RRP12: variants seen among roughly 807,000 people sequenced by gnomAD.
RRP12 encodes the protein ribosomal RNA processing 12 homolog.
RRP12 carries 78 observed loss-of-function variants against 157.3 expected under a neutral mutation model. The observed-to-expected ratio is 0.50, with a 90% CI of 0.41 to 0.60. The LOEUF is 0.60. Among genes scored for constraint, RRP12 ranks in the 20% least tolerant of loss-of-function variants. The probability of loss-of-function intolerance (pLI) is 0.00; values close to 1 mark genes in which losing one functional copy is unlikely to be tolerated. For missense variants in RRP12, 1,521 were observed against 1,679.9 expected (o/e 0.91, Z 1.65); for synonymous variants, 726 against 670.9 (o/e 1.08, Z -1.27).
At chr10:97,381,150 C>T (rs1844455899) in intron 12 of RRP12, among the ~76,000 whole-genome samples, 1 of 152,182 alleles carries the variant, frequency 6.6e-6, no homozygotes, top group African/African-American at 2.4e-5. Context: ...TTATCTGACC[C>T]AACTTCAGAT....
At position 97,372,068 on chromosome 10, in the gene RRP12, C is replaced by A; in HGVS notation, c.2343+5G>T. The A allele has an allele frequency of 1.9e-6, 3 of 1,608,098 alleles. No individual in the cohort carries two copies. Among genetic ancestry groups the A allele is most frequent in the Non-Finnish European group, 1.7e-6 (2 of 1,175,988 alleles). On this transcript the variant is annotated splice_donor_5th_base_variant and intron_variant, in intron 20 of 33. Coordinates refer to ENST00000370992, the MANE Select transcript of RRP12 (RefSeq NM_015179.4). Reference sequence around the variant, plus strand: ...TGTGTGGCGCTCCTGGCCCCCGAGGCTCACCTCTAGGTAGGGCCGGATGGT... The same window carrying A: ...TGTGTGGCGCTCCTGGCCCCCGAGGATCACCTCTAGGTAGGGCCGGATGGT...
At chr10:97,362,289 C>T (rs1401131408) in intron 30 of RRP12, among the ~76,000 whole-genome samples, 7 of 152,056 alleles carry the variant, frequency 4.6e-5, no homozygotes, top group Non-Finnish European at 1.0e-4. Context: ...AAGCCGTGGT[C>T]GGTTCTCCCC....
Position 97,366,557 on chromosome 10 carries a change from C to A in RRP12, c.3280G>T (p.Gly1094Cys), listed in dbSNP as rs768928402. Residue 1094 changes from glycine (G) to cysteine (C), a missense_variant, in exon 28 of 34, where the codon GGC (glycine) becomes TGC (cysteine). Coordinates refer to ENST00000370992, the MANE Select transcript of RRP12 (RefSeq NM_015179.4). ...EDNEEEERSR[G>C]KEQRKLARQR... ...CGTGCCAGCTTCCGCTGCTCCTTGC[C>A]TCGGCTTCTTTCCTCCTCCTCATTG... The A allele has an allele frequency of 1.2e-6, 2 of 1,614,026 alleles. No homozygotes were observed. Among genetic ancestry groups the A allele is most frequent in the Non-Finnish European group, 1.7e-6 (2 of 1,180,052 alleles).
intron 4 of RRP12, among the ~76,000 whole-genome samples, chr10:97,392,720 T>G (rs1392319659): frequency 2.0e-5 from 3 of 151,022 alleles, no homozygotes; most frequent in Non-Finnish European, 4.4e-5. Context: ...AGACGGAGTC[T>G]TGCACTGTTG....
intron 33 of RRP12, among the ~76,000 whole-genome samples, chr10:97,358,084 C>T (rs1347774275): frequency 1.3e-5 from 2 of 152,094 alleles, no homozygotes; most frequent in African/African-American, 2.4e-5. Context: ...CTTGTGATCC[C>T]AGCACTTTGG....
chr10:97,359,626 C>CT (rs1843792426), intron 31 of RRP12, among the ~76,000 whole-genome samples: 1 of 152,230 alleles, frequency 6.6e-6, no homozygotes, highest in Admixed American at 6.5e-5. Flanking sequence ...GGAGGACTCT[C>CT]TGAGACGACC....
At chr10:97,397,930 A>C (rs1231101428) in intron 2 of RRP12, among the ~76,000 whole-genome samples, 1 of 148,406 alleles carries the variant, frequency 6.7e-6, no homozygotes, top group African/African-American at 2.5e-5. Context: ...AAAGAAAAGA[A>C]AAGAAAAGAA....
intron 1 of RRP12, among the ~76,000 whole-genome samples, 191 bp downstream of exon 1, chr10:97,400,902 A>G (rs551475495): frequency 1.2e-4 from 19 of 152,276 alleles, no homozygotes; most frequent in African/African-American, 4.1e-4. Flanking sequence ...ACATTTCCCT[A>G]CTGCGGACCT....
At chr10:97,367,403 T>C (rs1844019948) in intron 25 of RRP12, 1 of 524,480 alleles carries the variant, frequency 1.9e-6, no homozygotes, top group Non-Finnish European at 3.4e-6. Context: ...ACTTGACATA[T>C]ATCCTCTCCT....
chr10:97,369,620 G>T (rs1379442074), intron 24 of RRP12, 38 bp from the exon 25 acceptor site: 2 of 1,541,598 alleles, frequency 1.3e-6, no homozygotes, highest in Admixed American at 2.0e-5. Context: ...AGACACCCAG[G>T]ACCCCACTCA....
At position 97,388,483 on chromosome 10, in the gene RRP12, C is replaced by T. The variant is rs766995285; in HGVS notation, c.889+6G>A. 1 of 1,614,002 alleles carries T rather than the reference C, an allele frequency of 6.2e-7. No homozygotes were observed. Among genetic ancestry groups the T allele is most frequent in the Admixed American group, 1.7e-5 (1 of 60,018 alleles). On this transcript the variant is annotated splice_donor_region_variant and intron_variant, in intron 7 of 33. Coordinates refer to ENST00000370992, the MANE Select transcript of RRP12 (RefSeq NM_015179.4). Reference sequence around the variant, plus strand: ...CATCCACCTGCCCTCCATTTGGGTTCCCCACCTCCAGACTTCTCAATCTCC... The same window carrying T: ...CATCCACCTGCCCTCCATTTGGGTTTCCCACCTCCAGACTTCTCAATCTCC...
chr10:97,395,548 T>C (rs1844936056), intron 3 of RRP12, among the ~76,000 whole-genome samples: 1 of 139,578 alleles, frequency 7.2e-6, no homozygotes, highest in Non-Finnish European at 1.5e-5. Flanking sequence ...TGAGACTCTG[T>C]TTCAAAAAAA....
At chr10:97,400,136 A>G (rs1316602291) in intron 2 of RRP12, among the ~76,000 whole-genome samples, 169 bp downstream of exon 2, 1 of 152,178 alleles carries the variant, frequency 6.6e-6, no homozygotes, top group Non-Finnish European at 1.5e-5. Flanking sequence ...TTCTTATAAA[A>G]AGCAGAAAGT....
rs1336481036 is a variant in RRP12 at position 97,388,588 on chromosome 10, G to A, written c.790C>T (p.Leu264Phe). Residue 264 changes from leucine (L) to phenylalanine (F), a missense_variant, in exon 7 of 34, where the codon CTC becomes TTC. Physicochemically the swap from Leu to Phe is conservative, Grantham distance 22. Coordinates refer to ENST00000370992, the MANE Select transcript of RRP12 (RefSeq NM_015179.4). ...TCAAACATGAATTCACTGCCCTTGA[G>A]GACTGAGCATACTCCATGCTGGGCA... ...KAAQHGVCSV[L>F]KGSEFMFEKA... 1 of 1,614,178 alleles carries A rather than the reference G, an allele frequency of 6.2e-7. No individual in the cohort carries two copies. Among genetic ancestry groups the A allele is most frequent in the Non-Finnish European group, 8.5e-7 (1 of 1,180,044 alleles).
intron 3 of RRP12, among the ~76,000 whole-genome samples, chr10:97,394,080 C>T (rs920207734): frequency 8.5e-5 from 13 of 152,160 alleles, no homozygotes; most frequent in Non-Finnish European, 2.9e-5. Flanking sequence ...TGGTGGCTCA[C>T]GCCTGTAATC....
chr10:97,388,044 G>C (rs1310323208), intron 8 of RRP12: 1 of 577,596 alleles, frequency 1.7e-6, no homozygotes, highest in Non-Finnish European at 3.0e-6. Context: ...ACTCTGACCT[G>C]ATCTCTGAGG....
intron 4 of RRP12, among the ~76,000 whole-genome samples, chr10:97,392,744 T>C (rs1158086431): frequency 6.6e-6 from 1 of 151,482 alleles, no homozygotes; most frequent in Non-Finnish European, 1.5e-5. Context: ...GGGCTGTAAG[T>C]GCAATGGCAT....
intron 2 of RRP12, among the ~76,000 whole-genome samples, chr10:97,399,205 G>A (rs1259111301): frequency 4.6e-5 from 7 of 152,132 alleles, no homozygotes; most frequent in East Asian, 3.9e-4. Flanking sequence ...CCCAGGAGGC[G>A]GAGGTTGCAG....
intron 15 of RRP12, among the ~76,000 whole-genome samples, chr10:97,374,471 C>T (rs1291550185): frequency 6.6e-6 from 1 of 151,378 alleles, no homozygotes; most frequent in African/African-American, 2.4e-5. Context: ...CACATGCCCA[C>T]TTTGTAAAAC....
Sources: gnomAD v4.1 joint callset for allele counts (sites outside exome capture counted in the v4.1 genomes callset) on GRCh38, gnomAD v4.1.1 for gene constraint, MANE v1.5 for transcripts, NCBI Gene and HGNC (gene_info 2026-07-23, HGNC 2026-07-21) for gene names.